The following TBCA variants were observed in gnomAD, a reference collection of about 807,000 sequenced individuals.
TBCA encodes tubulin-specific chaperone A.
In TBCA, 6 loss-of-function variants were observed where a neutral mutation model predicts 15.8. The observed-to-expected ratio is 0.38, with a 90% CI of 0.21 to 0.75. The LOEUF (loss-of-function observed/expected upper bound fraction) is 0.75. Among genes scored for constraint, TBCA ranks in the 30% least tolerant of loss-of-function variants. The probability of loss-of-function intolerance (pLI) is 0.46; values close to 1 mark genes in which losing one functional copy is unlikely to be tolerated. For synonymous variants in TBCA, 32 were observed against 42.3 expected (o/e 0.76, Z 0.94); for missense variants, 90 against 131.2 (o/e 0.69, Z 1.53).
intron 1 of TBCA, among the ~76,000 whole-genome samples, chr5:77,727,739 C>A (rs531560859): frequency 1.3e-5 from 2 of 152,234 alleles, no homozygotes; most frequent in Admixed American, 1.3e-4. Flanking sequence ...AAGTCTAACT[C>A]AGCCCAACAG....
chr5:77,713,903 A>ATT (rs34071197), intron 1 of TBCA, among the ~76,000 whole-genome samples: 202 of 149,814 alleles, frequency 1.3e-3, no homozygotes, highest in African/African-American at 3.4e-3. Context: ...GCAAGTAAAG[A>ATT]TTTTTTTTTT....
chr5:77,735,321 C>T (rs556756698), intron 1 of TBCA, among the ~76,000 whole-genome samples: 1 of 152,170 alleles, frequency 6.6e-6, no homozygotes, highest in East Asian at 1.9e-4. Context: ...CTCTACTTTC[C>T]CTCAAGGGGA....
chr5:77,748,831 C>T (rs1747247966), intron 1 of TBCA, among the ~76,000 whole-genome samples: 1 of 152,140 alleles, frequency 6.6e-6, no homozygotes, highest in Non-Finnish European at 1.5e-5. Context: ...GTATTACATG[C>T]TGTATTCTTA....
At chr5:77,761,640 T>TA (rs373655181) in intron 1 of TBCA, among the ~76,000 whole-genome samples, 76 of 144,924 alleles carry the variant, frequency 5.2e-4, no homozygotes, top group South Asian at 8.8e-4. Context: ...AATAAATACT[T>TA]AAAAAAAAAA....
At chr5:77,720,239 GA>G (rs1423949622) in intron 1 of TBCA, among the ~76,000 whole-genome samples, 1 of 152,112 alleles carries the variant, frequency 6.6e-6, no homozygotes, top group Non-Finnish European at 1.5e-5. Context: ...GAGAAAAACA[GA>G]AGGAAACACA....
chr5:77,736,063 G>A (rs1041260421), intron 1 of TBCA, among the ~76,000 whole-genome samples: 14 of 152,090 alleles, frequency 9.2e-5, no homozygotes, highest in African/African-American at 3.4e-4. Context: ...GGCCGGGTGC[G>A]GTGGCTCACG....
At chr5:77,714,692 AG>A (rs1455186108) in intron 1 of TBCA, among the ~76,000 whole-genome samples, 2 of 151,722 alleles carry the variant, frequency 1.3e-5, no homozygotes, top group Non-Finnish European at 2.9e-5. Flanking sequence ...TCAGCCTCCC[AG>A]GTAGCTGGGA....
At chr5:77,699,775 T>C (rs1018976283) in intron 2 of TBCA, among the ~76,000 whole-genome samples, 24 of 152,202 alleles carry the variant, frequency 1.6e-4, no homozygotes, top group South Asian at 4.2e-4. Context: ...CGATGGCTCA[T>C]GTCTATAATC....
chr5:77,716,741 G>A (rs1489774076), intron 1 of TBCA, among the ~76,000 whole-genome samples: 2 of 152,176 alleles, frequency 1.3e-5, no homozygotes, highest in Non-Finnish European at 2.9e-5. Flanking sequence ...GAACATAAAA[G>A]TCTAAATGTG....
intron 1 of TBCA, among the ~76,000 whole-genome samples, chr5:77,747,687 G>GC (rs1263714061): frequency 2.0e-5 from 3 of 152,078 alleles, no homozygotes; most frequent in Admixed American, 2.0e-4. Context: ...CAATGAGCTA[G>GC]CAAGGTGCTA....
chr5:77,703,893 T>G (rs781684847), intron 2 of TBCA, among the ~76,000 whole-genome samples: 3 of 152,018 alleles, frequency 2.0e-5, no homozygotes, highest in African/African-American at 7.2e-5. Flanking sequence ...GATTGGATTA[T>G]AGGGGCGGTT....
At chr5:77,742,102 C>G (rs1186457155) in intron 1 of TBCA, among the ~76,000 whole-genome samples, 1 of 152,128 alleles carries the variant, frequency 6.6e-6, no homozygotes, top group Non-Finnish European at 1.5e-5. Context: ...GTTGAGTATC[C>G]TTTATCCACA....
At chr5:77,741,017 CAAG>C (rs1275061984) in intron 1 of TBCA, among the ~76,000 whole-genome samples, 1 of 152,064 alleles carries the variant, frequency 6.6e-6, no homozygotes, top group East Asian at 1.9e-4. Flanking sequence ...ATCACTGTAA[CAAG>C]AAAACAGGAT....
intron 2 of TBCA, among the ~76,000 whole-genome samples, chr5:77,701,116 T>C (rs558927393): frequency 6.1e-4 from 93 of 152,068 alleles, no homozygotes; most frequent in African/African-American, 2.2e-3. Context: ...GTCAGCAGAG[T>C]AAACAGACAA....
chr5:77,712,153 A>G (rs73137621), intron 1 of TBCA, among the ~76,000 whole-genome samples: 2,574 of 152,296 alleles, frequency 0.017, 77 homozygotes, highest in African/African-American at 0.058. Flanking sequence ...GAGTATATAT[A>G]CAACTTCTAC....
At position 77,752,577 on chromosome 5, in the gene TBCA, A is replaced by C. The variant is rs1747373803; in HGVS notation, c.53+23628T>G. Among the ~76,000 whole-genome samples, 2 of 117,762 alleles carry C rather than the reference A, an allele frequency of 1.7e-5. 1 individual carries two copies. The highest frequency in any genetic ancestry group is 3.8e-5 in the Non-Finnish European group (2 of 53,260). 77.3% of individuals were successfully genotyped at this position (117,762 alleles called of 152,430 possible). A position where few individuals can be genotyped will look rare whatever the true frequency, so the allele number is the denominator to read the frequency against. On this transcript the variant is annotated intron_variant, in intron 1 of 3. Coordinates refer to ENST00000380377, the MANE Select transcript of TBCA (RefSeq NM_004607.3). Reference sequence around the variant, plus strand: ...TTTTGTTTTTCTTTTTTTGAGACGGAGTCTCGCTCTGTCGCCCAGGCCGGA... The same window carrying C: ...TTTTGTTTTTCTTTTTTTGAGACGGCGTCTCGCTCTGTCGCCCAGGCCGGA...
Position 77,776,075 on chromosome 5 carries a change from G to A in TBCA, c.53+130C>T, listed in dbSNP as rs895632771. The A allele has an allele frequency of 1.4e-4, 161 of 1,172,704 alleles. 1 individual carries two copies. The highest frequency in any genetic ancestry group is 1.9e-4 in the Non-Finnish European group (156 of 835,842). 72.6% of individuals were successfully genotyped at this position (1,172,704 alleles called of 1,614,324 possible). A position where few individuals can be genotyped will look rare whatever the true frequency, so the allele number is the denominator to read the frequency against. ...GGGTCCCTGCCAGTCCCAGCCAACT[G>A]CGGAGCCCCGGGTGCGGCCTGGAGT... On this transcript the variant is annotated intron_variant, in intron 1 of 3. Coordinates refer to ENST00000380377, the MANE Select transcript of TBCA (RefSeq NM_004607.3).
chr5:77,720,771 G>T (rs1324609748), intron 1 of TBCA, among the ~76,000 whole-genome samples: 1 of 152,094 alleles, frequency 6.6e-6, no homozygotes, highest in African/African-American at 2.4e-5. Context: ...AAGAAGTGGA[G>T]AACCTAAAAC....
chr5:77,731,385 C>T (rs1253274809), intron 1 of TBCA, among the ~76,000 whole-genome samples: 1 of 152,130 alleles, frequency 6.6e-6, no homozygotes, highest in Non-Finnish European at 1.5e-5. Context: ...TCCTCAACTG[C>T]AAAGCAAGGA....
Sources: gnomAD v4.1 joint callset for allele counts (sites outside exome capture counted in the v4.1 genomes callset) on GRCh38, gnomAD v4.1.1 for gene constraint, MANE v1.5 for transcripts, NCBI Gene and HGNC (gene_info 2026-07-23, HGNC 2026-07-21) for gene names.